Variants in GPM6A observed in about 807,000 individuals in gnomAD.
GPM6A encodes the protein neuronal membrane glycoprotein M6-a.
Under a neutral mutation model 32.1 loss-of-function variants are expected in GPM6A, and 7 were observed. The observed-to-expected ratio is 0.22, with a 90% CI of 0.12 to 0.41. GPM6A has a LOEUF of 0.41. GPM6A is among the 10% of genes least tolerant of loss of function. The pLI, the probability that GPM6A is intolerant of heterozygous loss-of-function variation, is 1.00. For synonymous variants in GPM6A, 130 were observed against 123.4 expected, an observed-to-expected ratio of 1.05 and a Z score of -0.35; for missense variants, 235 against 347.2, an observed-to-expected ratio of 0.68 and a Z score of 2.57.
At chr4:175,792,215 A>T (rs953230911) in intron 1 of GPM6A, among the ~76,000 whole-genome samples, 26 of 152,178 alleles carry the variant, frequency 1.7e-4, no homozygotes, top group African/African-American at 6.0e-4. Flanking sequence ...TACTGCTAGT[A>T]ACATATCGTG....
chr4:175,899,977 C>G (rs796786244), intron 1 of GPM6A, among the ~76,000 whole-genome samples: 10 of 152,082 alleles, frequency 6.6e-5, no homozygotes, highest in African/African-American at 2.4e-4. Flanking sequence ...CCATCTGACA[C>G]AGGATTAATA....
In GPM6A at chr4:175,707,666, C is replaced by A. The variant is rs73002179; in HGVS notation, c.38-5899G>T. On this transcript the variant is annotated intron_variant, in intron 1 of 6. Coordinates refer to ENST00000393658, the MANE Select transcript of GPM6A (RefSeq NM_201591.3). ...TTTTTTTCAATATATGTGCCTTTTA[C>A]TTTATCTTCTTATTGTCTTACGCTA... Among the ~76,000 whole-genome samples the A allele has an allele frequency of 5.0e-3, 762 of 151,694 alleles. 8 individuals carry two copies. The highest frequency in any genetic ancestry group is 0.017 in the African/African-American group (720 of 41,394).
chr4:175,871,830 G>A (rs949580551), intron 1 of GPM6A, among the ~76,000 whole-genome samples: 2 of 152,120 alleles, frequency 1.3e-5, no homozygotes, highest in Non-Finnish European at 2.9e-5. Flanking sequence ...TGATCTGCTC[G>A]CAATTTTTGC....
intron 1 of GPM6A, among the ~76,000 whole-genome samples, chr4:175,826,325 T>G (rs999969180): frequency 7.4e-6 from 1 of 135,626 alleles, no homozygotes; most frequent in African/African-American, 2.7e-5. Flanking sequence ...CCCTGCTCAG[T>G]GGCGTACACG....
intron 1 of GPM6A, among the ~76,000 whole-genome samples, chr4:175,712,815 A>T (rs1048357908): frequency 6.6e-6 from 1 of 152,218 alleles, no homozygotes; most frequent in African/African-American, 2.4e-5. Context: ...TACAGAAGTG[A>T]TCAAAAAATA....
At chr4:175,637,290 ATATATAT>A (rs1740739232) in intron 6 of GPM6A, among the ~76,000 whole-genome samples, 2 of 54,666 alleles carry the variant, frequency 3.7e-5, no homozygotes, top group South Asian at 5.3e-4. Flanking sequence ...ATTATATAAA[ATATATAT>A]TATATATTAT....
rs563741901 is a variant in GPM6A at position 175,883,482 on chromosome 4, T to C, written c.-22-71233A>G. ...AGTCTTCAAAATCCAGTAAGCATTT[T>C]ATACTTATAGCACATCTCCTTTTGG... On this transcript the variant is annotated intron_variant, in intron 1 of 7. Transcript: ENST00000280187. Among the ~76,000 whole-genome samples the C allele has an allele frequency of 2.0e-5, 3 of 152,254 alleles. No individual in the cohort carries two copies. The South Asian group carries it at 6.2e-4, about 32-fold the overall frequency.
intron 1 of GPM6A, among the ~76,000 whole-genome samples, chr4:175,873,630 A>G (rs1399155777): frequency 2.0e-5 from 3 of 152,104 alleles, no homozygotes; most frequent in African/African-American, 7.2e-5. Flanking sequence ...TACTTTTTCC[A>G]AAAAAGGCAC....
chr4:175,979,601 T>TA (rs59601726), intron 1 of GPM6A, among the ~76,000 whole-genome samples: 10,456 of 151,556 alleles, frequency 0.069, 1,191 homozygotes, highest in African/African-American at 0.24. Flanking sequence ...TAAAGTATAA[T>TA]AAAAAAAATA....
At chr4:175,981,275 G>A (rs559820642) in intron 1 of GPM6A, among the ~76,000 whole-genome samples, 148 of 152,282 alleles carry the variant, frequency 9.7e-4, no homozygotes, top group African/African-American at 3.4e-3. Flanking sequence ...GATATAACTT[G>A]TTGCACAGAA....
At chr4:175,828,460 T>A (rs1370834457) in intron 1 of GPM6A, among the ~76,000 whole-genome samples, 3 of 152,232 alleles carry the variant, frequency 2.0e-5, no homozygotes, top group African/African-American at 7.2e-5. Context: ...AAGATGACAA[T>A]CTTGCTGTGT....
At chr4:175,639,059 T>C (rs996329772) in intron 6 of GPM6A, among the ~76,000 whole-genome samples, 1 of 139,772 alleles carries the variant, frequency 7.2e-6, no homozygotes, top group Non-Finnish European at 1.6e-5. Flanking sequence ...TTATTCTATA[T>C]AGAGGTCACT....
At chr4:175,988,122 T>C (rs547031629) in intron 1 of GPM6A, among the ~76,000 whole-genome samples, 130 of 152,314 alleles carry the variant, frequency 8.5e-4, no homozygotes, top group African/African-American at 2.8e-3. Context: ...AACAACATTA[T>C]TGACTACAAA....
intron 3 of GPM6A, among the ~76,000 whole-genome samples, chr4:175,657,599 G>A (rs1297940200): frequency 2.0e-5 from 3 of 152,106 alleles, no homozygotes; most frequent in African/African-American, 7.2e-5. Context: ...ACCTACTAAT[G>A]TCAATAAAAT....
intron 3 of GPM6A, among the ~76,000 whole-genome samples, chr4:175,653,146 C>T (rs1025923145): frequency 1.3e-5 from 2 of 152,018 alleles, no homozygotes; most frequent in African/African-American, 4.8e-5. Context: ...AAAATTAGCA[C>T]TTTTGCAAAA....
intron 1 of GPM6A, among the ~76,000 whole-genome samples, chr4:175,885,315 A>G (rs1256206422): frequency 6.6e-6 from 1 of 152,238 alleles, no homozygotes; most frequent in Non-Finnish European, 1.5e-5. Context: ...GTTCAAAAAC[A>G]GACAAAAGTA....
intron 1 of GPM6A, among the ~76,000 whole-genome samples, chr4:175,987,403 C>G (rs1384445264): frequency 6.6e-6 from 1 of 151,794 alleles, no homozygotes; most frequent in Non-Finnish European, 1.5e-5. Context: ...GAAAAATAAC[C>G]TCTCATTTGA....
At chr4:175,739,454 T>C (rs890136667) in intron 1 of GPM6A, among the ~76,000 whole-genome samples, 6 of 152,256 alleles carry the variant, frequency 3.9e-5, no homozygotes, top group Admixed American at 3.9e-4. Flanking sequence ...AGCCTACAGA[T>C]GACTAATGCC....
chr4:175,892,528 AT>A (rs1426965712), intron 1 of GPM6A, among the ~76,000 whole-genome samples: 2 of 152,142 alleles, frequency 1.3e-5, no homozygotes, highest in Non-Finnish European at 2.9e-5. Flanking sequence ...CTTATTGTTC[AT>A]TCTTTCATTC....
Sources: gnomAD v4.1 joint callset for allele counts (sites outside exome capture counted in the v4.1 genomes callset) on GRCh38, gnomAD v4.1.1 for gene constraint, MANE v1.5 for transcripts, NCBI Gene and HGNC (gene_info 2026-07-23, HGNC 2026-07-21) for gene names.